The following KRT74 variants were observed in gnomAD, a reference collection of about 807,000 sequenced individuals.
KRT74 encodes keratin 74, also known as keratin, type II cytoskeletal 74.
KRT74 carries 43 observed loss-of-function variants against 42.7 expected under a neutral mutation model. The observed-to-expected ratio is 1.01, with a 90% confidence interval of 0.79 to 1.30. The LOEUF (loss-of-function observed/expected upper bound fraction) is 1.30. Among genes scored for constraint, KRT74 ranks in the 50% most tolerant of loss-of-function variants. The pLI is 0.00. For synonymous variants in KRT74, 302 were observed against 279.0 expected (o/e 1.08, Z -0.82); for missense variants, 736 against 689.1 (o/e 1.07, Z -0.76).
intron 6 of KRT74, among the ~76,000 whole-genome samples, chr12:52,568,831 A>G (rs1179568814): frequency 6.6e-6 from 1 of 152,220 alleles, no homozygotes; most frequent in Admixed American, 6.5e-5. Flanking sequence ...TAGCATCCAG[A>G]TGAGTGTTTC....
Position 52,572,006 on chromosome 12 carries a change from T to C in KRT74, c.687-2A>G. ...CGCCGGTTAATCTCCACTTCATATC[T>C]GCCAGCAGGGAGAGTAGATGGCCTT... On this transcript the variant is annotated splice_acceptor_variant, in intron 2 of 8. Transcript: ENST00000305620. LOFTEE classifies it high-confidence loss of function. 6.3e-7 allele frequency: 1 copy of C among 1,588,178 alleles called. No homozygotes were observed.
chr12:52,567,925 T>C (rs1939407516), intron 7 of KRT74, among the ~76,000 whole-genome samples: 1 of 151,622 alleles, frequency 6.6e-6, no homozygotes, highest in Admixed American at 6.6e-5. Context: ...TAGCCCCTGC[T>C]GAAGAGCCAG....
intron 3 of KRT74, 33 bp from the exon 4 acceptor site, chr12:52,571,487 C>CA: frequency 6.8e-7 from 1 of 1,473,036 alleles, no homozygotes; most frequent in Non-Finnish European, 9.5e-7. Context: ...TTGGGGGATG[C>CA]AACCCTCATC....
intron 8 of KRT74, 100 bp from the exon 9 acceptor site, chr12:52,567,268 C>T (rs1449613593): frequency 3.0e-6 from 3 of 1,001,420 alleles, no homozygotes; most frequent in Non-Finnish European, 4.3e-6. Context: ...ACAACAACAC[C>T]TCATTTAATC....
intron 1 of KRT74, 148 bp downstream of exon 1, chr12:52,573,159 C>G: frequency 2.5e-6 from 2 of 785,504 alleles, no homozygotes; most frequent in Non-Finnish European, 4.3e-6. Context: ...CCGTGGCTCA[C>G]AGACCTACTC....
In KRT74 at chr12:52,566,896, G is replaced by A. The variant is rs1939390377; in HGVS notation, c.*73C>T. On this transcript the variant is annotated 3_prime_UTR_variant, in exon 9 of 9. Coordinates refer to ENST00000305620, the MANE Select transcript of KRT74 (RefSeq NM_175053.4). ...TTAAAACTCAGGGCCTGGGAACTTG[G>A]GTGTGGCAGACACCTTTGGGGGTGG... is the stretch of plus-strand genomic sequence containing the variant. 7 of 1,310,436 alleles carry A rather than the reference G, an allele frequency of 5.3e-6. No individual in the cohort carries two copies. The highest frequency in any genetic ancestry group is 7.5e-6 in the Non-Finnish European group (7 of 932,826). 81.2% of individuals were successfully genotyped at this position (1,310,436 alleles called of 1,614,324 possible).
chr12:52,568,387 A>G lies in KRT74; in HGVS notation c.1137T>C (p.Arg379=). 6.2e-7 allele frequency: 1 copy of G among 1,614,166 alleles called. No individual in the cohort carries two copies. The highest frequency in any genetic ancestry group is 8.5e-7 in the Non-Finnish European group (1 of 1,180,022). ...CAGCGATGGCCGTCTCCAGGCTGGC[A>G]CGCTGAAGGGCAAAGAACAGAGAGA... ...RCEIGNVKKQ[R]ASLETAIADA... is the part of the protein sequence containing the mutation. The change falls in exon 7 of 9, where the codon CGT becomes CGC. Residue 379 remains arginine (R), a splice_region_variant and synonymous_variant. Coordinates refer to ENST00000305620, the MANE Select transcript of KRT74 (RefSeq NM_175053.4).
chr12:52,568,622 T>A (rs181340899), intron 6 of KRT74: 81 of 590,206 alleles, frequency 1.4e-4, no homozygotes, highest in Non-Finnish European at 3.3e-5. Context: ...CAGGAAGAAA[T>A]GTCGATGTTT....
Position 52,573,385 on chromosome 12 carries a change from A to G in KRT74, c.393T>C (p.Pro131=). The change falls in exon 1 of 9, where the codon CCT becomes CCC. Residue 131 remains proline, a synonymous_variant. Transcript: ENST00000305620. Reference sequence around the variant, plus strand: ...CCTGGGCGCGCACCTTCTGGATCTCAGGGTCCAGCTCCACGTTGAGGGGGG... The same window carrying G: ...CCTGGGCGCGCACCTTCTGGATCTCGGGGTCCAGCTCCACGTTGAGGGGGG... ...LLAPLNVELD[P]EIQKVRAQER... The G allele has an allele frequency of 6.2e-7, 1 of 1,613,704 alleles. No homozygotes were observed. Among genetic ancestry groups the G allele is most frequent in the African/African-American group, 1.3e-5 (1 of 75,052 alleles).
At chr12:52,572,310 C>T in intron 2 of KRT74, 143 bp downstream of exon 2, 1 of 870,862 alleles carries the variant, frequency 1.1e-6, no homozygotes, top group South Asian at 1.5e-5. Flanking sequence ...AGGATAGGCC[C>T]TTCCCCCTAG....
chr12:52,573,066 G>A (rs962297551), intron 1 of KRT74, among the ~76,000 whole-genome samples: 2 of 152,084 alleles, frequency 1.3e-5, no homozygotes, highest in African/African-American at 4.8e-5. Context: ...TTTTGTCAAG[G>A]AAGGGCTGCT....
chr12:52,572,253 G>A (rs140145223), intron 2 of KRT74, among the ~76,000 whole-genome samples, 200 bp downstream of exon 2: 93 of 152,298 alleles, frequency 6.1e-4, no homozygotes, highest in African/African-American at 2.2e-3. Flanking sequence ...GGGTCAAGGA[G>A]CACAGGAACC....
rs777481226 is a variant in KRT74 at position 52,566,931 on chromosome 12, C to T, written c.*38G>A. 8.9e-6 allele frequency: 14 copies of T among 1,580,310 alleles called. No individual in the cohort carries two copies. Among genetic ancestry groups the T allele is most frequent in the Non-Finnish European group, 4.3e-6 (5 of 1,158,572 alleles). ...ACACCTTTGGGGGTGGCAAAGTCACCTCTTCTTCCAAGTGCTGAGGTGGGT... is the reference window on the plus strand; with the variant it reads ...ACACCTTTGGGGGTGGCAAAGTCACTTCTTCTTCCAAGTGCTGAGGTGGGT... On this transcript the variant is annotated 3_prime_UTR_variant, in exon 9 of 9. Coordinates refer to ENST00000305620, the MANE Select transcript of KRT74 (RefSeq NM_175053.4).
chr12:52,570,006 GT>G (rs1353775837), intron 5 of KRT74, 22 bp from the exon 6 acceptor site: 1 of 1,613,688 alleles, frequency 6.2e-7, no homozygotes, highest in African/African-American at 1.3e-5. Flanking sequence ...GAGATAGGAA[GT>G]TGGTGATGAG....
chr12:52,568,365 C>A lies in KRT74; in HGVS notation c.1159G>T (p.Ala387Ser). ...TTGTCTCCCCGCTGCTCAGCGTCAGCGATGGCCGTCTCCAGGCTGGCACGC... is the reference window on the plus strand; with the variant it reads ...TTGTCTCCCCGCTGCTCAGCGTCAGAGATGGCCGTCTCCAGGCTGGCACGC... ...KQRASLETAI[A>S]DAEQRGDNAL... Residue 387 changes from alanine (A) to serine (S), a missense_variant, in exon 7 of 9, where the codon GCT becomes TCT. Transcript: ENST00000305620. 2 of 1,614,232 alleles carry A rather than the reference C, an allele frequency of 1.2e-6. No individual in the cohort carries two copies. The highest frequency in any genetic ancestry group is 1.7e-6 in the Non-Finnish European group (2 of 1,180,054).
chr12:52,572,004 T>A lies in KRT74; in HGVS notation c.687A>T (p.Arg229Ser). Residue 229 changes from arginine (R) to serine (S), a missense_variant and splice_region_variant, in exon 3 of 9, where the codon AGA becomes AGT. Physicochemically the swap from Arg to Ser is moderately radical, Grantham distance 110. Transcript: ENST00000305620. ...TGCGCCGGTTAATCTCCACTTCATA[T>A]CTGCCAGCAGGGAGAGTAGATGGCC... ...MRDLVEDYKK[R>S]YEVEINRRTT... 7 of 1,590,032 alleles carry A rather than the reference T, an allele frequency of 4.4e-6. No individual in the cohort carries two copies. The highest frequency in any genetic ancestry group is 6.0e-6 in the Non-Finnish European group (7 of 1,158,418).
At chr12:52,569,011 C>T (rs1939427151) in intron 6 of KRT74, among the ~76,000 whole-genome samples, 1 of 152,186 alleles carries the variant, frequency 6.6e-6, no homozygotes, top group African/African-American at 2.4e-5. Context: ...AGGAACTATG[C>T]TCATGGAATT....
chr12:52,571,197 A>G lies in KRT74; in HGVS notation c.843+162T>C, dbSNP rs73107568. 0.12 allele frequency among the ~76,000 whole-genome samples: 17,645 copies of G among 152,274 alleles called. 1,105 individuals carry two copies. The highest frequency in any genetic ancestry group is 0.16 in the African/African-American group (6,694 of 41,554). ...TTTCCTCCTGTATGTATGGCCTCCA[A>G]GGACCAGCATCCTGCACTTCCATGG... is the stretch of plus-strand genomic sequence containing the variant. On this transcript the variant is annotated intron_variant, in intron 4 of 8. Coordinates refer to ENST00000305620, the MANE Select transcript of KRT74 (RefSeq NM_175053.4).
Position 52,568,205 on chromosome 12 carries a change from G to T in KRT74, c.1319C>A (p.Ala440Asp), listed in dbSNP as rs370204014. The T allele has an allele frequency of 5.0e-6, 8 of 1,614,006 alleles. No homozygotes were observed. Among genetic ancestry groups the T allele is most frequent in the Non-Finnish European group, 6.8e-6 (8 of 1,180,028 alleles). Residue 440 changes from alanine (A) to aspartate (D), a missense_variant, in exon 7 of 9, where the codon GCC becomes GAC. By Grantham distance (126) the Ala-to-Asp change is moderately radical. Transcript: ENST00000305620. ...GCCCTCCAGCAGCTTGCGGTAGGTG[G>T]CAATCTCCATGTCCAGGGCCAGTTT... ...SLKLALDMEI[A>D]TYRKLLEGEE...
Sources: allele counts gnomAD v4.1 joint callset (sites outside exome capture counted in the v4.1 genomes callset), GRCh38; gene constraint gnomAD v4.1.1; transcripts MANE v1.5; gene names NCBI Gene and HGNC (gene_info 2026-07-23, HGNC 2026-07-21).